Variants in DNAH1 observed in about 807,000 individuals in gnomAD.
The protein encoded by DNAH1 is axonemal beta dynein heavy chain 1.
Under a neutral mutation model 484.3 loss-of-function variants are expected in DNAH1, and 327 were observed. That is an observed-to-expected ratio of 0.68 (90% confidence interval 0.62 to 0.74). DNAH1 has a LOEUF of 0.74. Among genes scored for constraint, DNAH1 ranks in the 30% least tolerant of loss-of-function variants. The pLI is 0.00. For synonymous variants in DNAH1, 2,192 were observed against 2,191.9 expected (o/e 1.00, Z 0.00); for missense variants, 5,052 against 5,546.8 (o/e 0.91, Z 2.83).
intron 8 of DNAH1, among the ~76,000 whole-genome samples, chr3:52,342,816 CGTT>C (rs1181073820): frequency 3.3e-5 from 5 of 152,136 alleles, no homozygotes; most frequent in Non-Finnish European, 5.9e-5. Context: ...GGTTCTGACA[CGTT>C]GTAAGGCATC....
chr3:52,331,117 G>C (rs1397120205), intron 6 of DNAH1, 31 bp from the exon 7 acceptor site: 1 of 1,562,040 alleles, frequency 6.4e-7, no homozygotes. Flanking sequence ...CATGGCGGGG[G>C]GCACTGGTGG....
chr3:52,341,025 GA>G (rs1201084127), intron 8 of DNAH1, among the ~76,000 whole-genome samples: 1 of 151,554 alleles, frequency 6.6e-6, no homozygotes, highest in East Asian at 1.9e-4. Context: ...TGGGAAATTT[GA>G]ATCGATATAG....
chr3:52,385,508 A>ACAGG (rs1178589339), intron 54 of DNAH1, 61 bp downstream of exon 54: 8 of 1,410,294 alleles, frequency 5.7e-6, no homozygotes, highest in Non-Finnish European at 6.9e-6. Context: ...GCACCCCCAC[A>ACAGG]CAGGCGCAGG....
intron 52 of DNAH1, among the ~76,000 whole-genome samples, 166 bp downstream of exon 52, chr3:52,384,197 C>T (rs1293191494): frequency 2.6e-5 from 4 of 152,220 alleles, no homozygotes; most frequent in Admixed American, 2.0e-4. Flanking sequence ...TCTGTAAATG[C>T]GCAGAGCCAC....
intron 26 of DNAH1, 121 bp downstream of exon 26, chr3:52,359,507 A>G (rs992374677): frequency 1.5e-5 from 20 of 1,357,932 alleles, no homozygotes; most frequent in Non-Finnish European, 1.9e-5. Context: ...TTGGGTCTAA[A>G]GGGGAGGTCA....
upstream of DNAH1, among the ~76,000 whole-genome samples, chr3:52,311,841 C>T (rs779018989): frequency 6.6e-5 from 10 of 152,314 alleles, no homozygotes; most frequent in Middle Eastern, 3.4e-3. Context: ...GGCAGCCTGA[C>T]GGCCCACAGG....
chr3:52,383,834 C>T, intron 51 of DNAH1, 26 bp from the exon 52 acceptor site: 1 of 1,567,734 alleles, frequency 6.4e-7, no homozygotes, highest in South Asian at 1.2e-5. Context: ...TGTCTCTGGA[C>T]CTCATTTGGA....
chr3:52,365,971 C>T (rs1294024847), intron 34 of DNAH1, among the ~76,000 whole-genome samples: 2 of 152,260 alleles, frequency 1.3e-5, no homozygotes, highest in Non-Finnish European at 2.9e-5. Flanking sequence ...CCATAGCCAC[C>T]ACCACCCTTC....
chr3:52,313,720 C>T (rs188364500), upstream of DNAH1, among the ~76,000 whole-genome samples: 1 of 152,262 alleles, frequency 6.6e-6, no homozygotes, highest in East Asian at 1.9e-4. Flanking sequence ...TCCTTACTGA[C>T]CTGCTGGGAG....
intron 22 of DNAH1, among the ~76,000 whole-genome samples, chr3:52,357,211 G>A (rs751379410): frequency 2.6e-5 from 4 of 151,962 alleles, no homozygotes; most frequent in South Asian, 2.1e-4. Context: ...GCCACCACGC[G>A]TGGCTGATTT....
chr3:52,324,575 A>G (rs1578069735), intron 3 of DNAH1, among the ~76,000 whole-genome samples: 1 of 148,902 alleles, frequency 6.7e-6, no homozygotes, highest in Non-Finnish European at 1.5e-5. Flanking sequence ...CCTCCTCCCC[A>G]CCCCCAGGAA....
At chr3:52,359,728 C>A (rs974792371) in intron 26 of DNAH1, among the ~76,000 whole-genome samples, 188 bp from the exon 27 acceptor site, 2 of 152,242 alleles carry the variant, frequency 1.3e-5, no homozygotes, top group African/African-American at 4.8e-5. Context: ...GGGAGGCAGA[C>A]GCCAGGCATG....
rs995977334 is a variant in DNAH1, at chr3:52,345,916, G to C, written c.1656+210G>C. Among the ~76,000 whole-genome samples the C allele has an allele frequency of 8.5e-5, 13 of 152,274 alleles. No homozygotes were observed. In the East Asian group the frequency reaches 1.7e-3, roughly 20 times the overall value. The stretch of plus-strand genomic sequence containing the variant: ...CAAGGGTAATGACTCATCTTGGAGA[G>C]AAAGGGAAAACCAGGGCAGGCTCTC... On this transcript the variant is annotated intron_variant, in intron 10 of 77. Transcript: ENST00000420323.
intron 45 of DNAH1, 116 bp from the exon 46 acceptor site, chr3:52,375,839 G>T: frequency 8.2e-7 from 1 of 1,224,710 alleles, no homozygotes; most frequent in Non-Finnish European, 1.2e-6. Context: ...GCCTTTATGG[G>T]GTTTGGGGAA....
rs1702983870 is a variant in DNAH1 at position 52,364,409 on chromosome 3, C to T, written c.5245-229C>T. Among the ~76,000 whole-genome samples the T allele has an allele frequency of 6.6e-6, 1 of 152,192 alleles. No homozygotes were observed. The highest frequency in any genetic ancestry group is 1.5e-5 in the Non-Finnish European group (1 of 68,030). ...TGACCAAAGGATGCAGAATGGGTAT[C>T]GGATAAAGGAGGGGGCTATCGGGAC... On this transcript the variant is annotated intron_variant, in intron 32 of 77. Coordinates refer to ENST00000420323, the MANE Select transcript of DNAH1 (RefSeq NM_015512.5). This position sits in a 1 kb window ranked among gnomAD's most constrained non-coding sequence, Gnocchi z 4.2.
At chr3:52,375,201 C>G (rs746788650) in intron 44 of DNAH1, 39 bp from the exon 45 acceptor site, 1 of 1,563,802 alleles carries the variant, frequency 6.4e-7, no homozygotes, top group Non-Finnish European at 8.7e-7. Flanking sequence ...TAATGCAGCC[C>G]TGGCCAGGGC....
At chr3:52,366,633 G>A (rs1703086510) in intron 35 of DNAH1, 85 bp downstream of exon 35, 4 of 1,553,856 alleles carry the variant, frequency 2.6e-6, no homozygotes, top group East Asian at 4.7e-5. Flanking sequence ...GCCTCCATTT[G>A]TGCCCCTTGG....
In DNAH1 at chr3:52,327,871, C is replaced by T. The variant is rs1047248133; in HGVS notation, c.739-11C>T. 12 of 1,612,470 alleles carry T rather than the reference C, an allele frequency of 7.4e-6. No homozygotes were observed. The highest frequency in any genetic ancestry group is 9.3e-6 in the Non-Finnish European group (11 of 1,178,588). On this transcript the variant is annotated splice_polypyrimidine_tract_variant and intron_variant, in intron 5 of 77. Coordinates refer to ENST00000420323, the MANE Select transcript of DNAH1 (RefSeq NM_015512.5). ...GCTGCTTCTTCCCAATGTTGGCCTG[C>T]TTTCTTCCAGGTATTTGACAATGAG...
intron 13 of DNAH1, 37 bp from the exon 14 acceptor site, chr3:52,349,135 TATCCCCTGCCCACCCTGCTCACC>T (rs1189430153): frequency 1.2e-6 from 2 of 1,612,050 alleles, no homozygotes; most frequent in African/African-American, 2.7e-5. Flanking sequence ...TGTGCATGTG[TATCCCCTGCCCACCCTGCTCACC>T]ATCCTCTGCC....
Sources: allele counts gnomAD v4.1 joint callset (sites outside exome capture counted in the v4.1 genomes callset), GRCh38; gene constraint gnomAD v4.1.1; non-coding constraint Gnocchi (gnomAD v3.1); transcripts MANE v1.5; gene names NCBI Gene and HGNC (gene_info 2026-07-23, HGNC 2026-07-21).